Variants in PCLO observed in about 807,000 individuals in gnomAD.
PCLO encodes piccolo presynaptic cytomatrix protein, also known as protein piccolo.
Under a neutral mutation model 427.5 loss-of-function variants are expected in PCLO, and 82 were observed. That is an observed-to-expected ratio of 0.19 (90% CI 0.16 to 0.23). PCLO has a LOEUF of 0.23. Ranked by LOEUF, PCLO falls within the 10% of genes least tolerant of loss-of-function variation. PCLO has a pLI of 1.00. For synonymous variants in PCLO, 2,357 were observed against 2,155.4 expected, an observed-to-expected ratio of 1.09 and a Z score of -2.59; for missense variants, 6,239 against 6,115.9, an observed-to-expected ratio of 1.02 and a Z score of -0.67.
intron 10 of PCLO, chr7:82,868,066 A>G: frequency 1.5e-5 from 7 of 454,452 alleles, no homozygotes; most frequent in South Asian, 1.1e-4. Flanking sequence ...CACCAGCTTT[A>G]AGGAATTTTG....
intron 6 of PCLO, among the ~76,000 whole-genome samples, chr7:82,941,217 A>G (rs764786953): frequency 6.6e-6 from 1 of 152,038 alleles, no homozygotes; most frequent in Non-Finnish European, 1.5e-5. Context: ...TAGCCAGTTC[A>G]TCTAAGACTC....
chr7:82,953,496 A>G lies in PCLO; in HGVS notation c.7457T>C (p.Val2486Ala). ...TRICTTAPPP[V>A]PPKPSSIPSG... ...TGGAATTGAAGATGGCTTAGGAGGA[A>G]CAGGAGGAGGTGCAGTAGTACATAT... Residue 2486 changes from valine to alanine, a missense_variant, in exon 5 of 25, where the codon GTT (valine) becomes GCT (alanine). Transcript: ENST00000333891. 6.2e-7 allele frequency: 1 copy of G among 1,613,562 alleles called. No individual in the cohort carries two copies. The highest frequency in any genetic ancestry group is 8.5e-7 in the Non-Finnish European group (1 of 1,179,806).
At chr7:83,010,539 T>C (rs944547722) in intron 3 of PCLO, among the ~76,000 whole-genome samples, 1 of 151,022 alleles carries the variant, frequency 6.6e-6, no homozygotes, top group Non-Finnish European at 1.5e-5. Flanking sequence ...TATTTTATTT[T>C]ATATCATATA....
intron 22 of PCLO, among the ~76,000 whole-genome samples, chr7:82,774,892 C>G (rs919646347): frequency 6.6e-6 from 1 of 152,188 alleles, no homozygotes; most frequent in Admixed American, 6.5e-5. Context: ...TGTGTTCTGC[C>G]TATTCATTCC....
At chr7:82,816,983 A>C (rs1363894291) in intron 20 of PCLO, among the ~76,000 whole-genome samples, 1 of 152,196 alleles carries the variant, frequency 6.6e-6, no homozygotes, top group Non-Finnish European at 1.5e-5. Flanking sequence ...ATTTCCAGCA[A>C]TAAATTTAAA....
chr7:82,971,487 C>A (rs544472300), intron 3 of PCLO, among the ~76,000 whole-genome samples: 80 of 148,182 alleles, frequency 5.4e-4, no homozygotes, highest in African/African-American at 1.7e-3. Context: ...TCTATTATAT[C>A]AAATTTTATA....
intron 3 of PCLO, among the ~76,000 whole-genome samples, chr7:83,053,249 T>A (rs1344037944): frequency 6.6e-6 from 1 of 151,372 alleles, no homozygotes; most frequent in Non-Finnish European, 1.5e-5. Flanking sequence ...TAGGCTTCAC[T>A]AAATCACTTC....
intron 3 of PCLO, among the ~76,000 whole-genome samples, chr7:83,031,724 C>G (rs1352185442): frequency 1.3e-5 from 2 of 151,642 alleles, no homozygotes. Context: ...CTCTCTCTCT[C>G]TCTCTCTCTC....
At chr7:82,844,177 T>C (rs1792440520) in intron 13 of PCLO, among the ~76,000 whole-genome samples, 1 of 152,154 alleles carries the variant, frequency 6.6e-6, no homozygotes, top group African/African-American at 2.4e-5. Context: ...TTAATTATGT[T>C]GGTATTTTAG....
At chr7:83,036,269 C>T (rs764830071) in intron 3 of PCLO, among the ~76,000 whole-genome samples, 25 of 151,968 alleles carry the variant, frequency 1.6e-4, no homozygotes, top group Non-Finnish European at 1.8e-4. Flanking sequence ...AGCTCCATTC[C>T]CCAGAGTTTC....
At chr7:82,765,943 G>C (rs767231923) in intron 22 of PCLO, among the ~76,000 whole-genome samples, 1 of 152,082 alleles carries the variant, frequency 6.6e-6, no homozygotes, top group Non-Finnish European at 1.5e-5. Flanking sequence ...TACCAACGAA[G>C]CAAGGAATAG....
chr7:82,986,716 A>C (rs1455852362), intron 3 of PCLO, among the ~76,000 whole-genome samples: 1 of 151,986 alleles, frequency 6.6e-6, no homozygotes, highest in African/African-American at 2.4e-5. Context: ...TGATGTCTAA[A>C]ATGGGGATAG....
intron 22 of PCLO, among the ~76,000 whole-genome samples, chr7:82,790,493 T>C (rs1431678151): frequency 3.3e-5 from 5 of 152,220 alleles, no homozygotes; most frequent in African/African-American, 1.2e-4. Flanking sequence ...CCTTCTACTA[T>C]GAATACATAT....
chr7:82,762,270 C>T (rs1790447117), intron 22 of PCLO, among the ~76,000 whole-genome samples: 1 of 151,852 alleles, frequency 6.6e-6, no homozygotes, highest in Non-Finnish European at 1.5e-5. Flanking sequence ...TAAGCTGAAA[C>T]CAGAAGGATG....
intron 9 of PCLO, among the ~76,000 whole-genome samples, chr7:82,882,109 T>C (rs187808493): frequency 6.6e-6 from 1 of 152,320 alleles, no homozygotes; most frequent in Admixed American, 6.5e-5. Context: ...AAATTGAATT[T>C]ATATAATTTT....
intron 3 of PCLO, among the ~76,000 whole-genome samples, chr7:83,092,655 A>T (rs1194415792): frequency 2.0e-5 from 3 of 152,108 alleles, no homozygotes; most frequent in African/African-American, 7.2e-5. Flanking sequence ...ATGTAATAAA[A>T]ACACATGAAG....
At chr7:82,976,318 C>G (rs778385596) in intron 3 of PCLO, among the ~76,000 whole-genome samples, 5 of 152,138 alleles carry the variant, frequency 3.3e-5, no homozygotes, top group Non-Finnish European at 7.4e-5. Context: ...GCTTGTCCAT[C>G]CTCTCCCCTA....
intron 6 of PCLO, among the ~76,000 whole-genome samples, chr7:82,921,017 T>C (rs747233110): frequency 2.0e-5 from 3 of 151,880 alleles, no homozygotes; most frequent in African/African-American, 4.8e-5. Context: ...CTAAAATGCA[T>C]GGCTCTAGAT....
intron 3 of PCLO, among the ~76,000 whole-genome samples, chr7:83,096,646 T>C (rs571015369): frequency 2.1e-5 from 3 of 146,108 alleles, no homozygotes; most frequent in South Asian, 2.1e-4. Flanking sequence ...TTTTGTCTTA[T>C]AGTCTCTAAT....
Sources: gnomAD v4.1 joint callset for allele counts (sites outside exome capture counted in the v4.1 genomes callset) on GRCh38, gnomAD v4.1.1 for gene constraint, MANE v1.5 for transcripts, NCBI Gene and HGNC (gene_info 2026-07-23, HGNC 2026-07-21) for gene names.